ZCCHC2: variants seen among roughly 807,000 people sequenced by gnomAD.
The protein encoded by ZCCHC2 is zinc finger CCHC-type containing 2.
Under a neutral mutation model 103.6 loss-of-function variants are expected in ZCCHC2, and 39 were observed. The observed-to-expected ratio is 0.38, with a 90% CI of 0.29 to 0.49. ZCCHC2 has a LOEUF of 0.49. Among genes scored for constraint, ZCCHC2 ranks in the 20% least tolerant of loss-of-function variants. The pLI, the probability that ZCCHC2 is intolerant of heterozygous loss-of-function variation, is 0.96. For synonymous variants in ZCCHC2, 687 were observed against 608.9 expected (o/e 1.13, Z -1.89); for missense variants, 1,483 against 1,491.0 (o/e 0.99, Z 0.09).
At chr18:62,535,254 G>A (rs1253433330) in intron 1 of ZCCHC2, among the ~76,000 whole-genome samples, 1 of 152,244 alleles carries the variant, frequency 6.6e-6, no homozygotes, top group African/African-American at 2.4e-5. Flanking sequence ...ACTTAAAGAT[G>A]TGGGGGCTGC....
chr18:62,549,046 T>A (rs183271943), intron 4 of ZCCHC2, among the ~76,000 whole-genome samples: 1 of 151,518 alleles, frequency 6.6e-6, no homozygotes, highest in Non-Finnish European at 1.5e-5. Context: ...GGTGAAACCC[T>A]GTCTCTACTA....
chr18:62,574,724 G>A lies in ZCCHC2; in HGVS notation c.2643G>A (p.Met881Ile). The A allele has an allele frequency of 6.2e-7, 1 of 1,613,948 alleles. No individual in the cohort carries two copies. Among genetic ancestry groups the A allele is most frequent in the Non-Finnish European group, 8.5e-7 (1 of 1,179,880 alleles). ...SASQVVGLNQMVPQIEGNTGT... is the reference protein window; with the variant it reads ...SASQVVGLNQIVPQIEGNTGT... ...CCCAAGTGGTAGGACTCAATCAAAT[G>A]GTGCCTCAAATTGAGGGAAACACAG... The change falls in exon 13 of 14, where the codon ATG (methionine) becomes ATA (isoleucine). Residue 881 changes from methionine (M) to isoleucine (I), a missense_variant. Physicochemically the swap from Met to Ile is conservative, Grantham distance 10. Around this residue, in one of 3 missense-constraint regions of ZCCHC2, gnomAD observed 884 missense variants for 907.5 expected, o/e 0.97. Transcript: ENST00000269499.
chr18:62,570,649 A>G (rs1300453125), intron 12 of ZCCHC2, among the ~76,000 whole-genome samples: 1 of 152,222 alleles, frequency 6.6e-6, no homozygotes, highest in African/African-American at 2.4e-5. Context: ...GTCTGAGAAT[A>G]GTATAGTCGA....
At chr18:62,568,489 G>A (rs535435997) in intron 11 of ZCCHC2, among the ~76,000 whole-genome samples, 2 of 152,260 alleles carry the variant, frequency 1.3e-5, no homozygotes, top group South Asian at 2.1e-4. Context: ...TTAGATTTAT[G>A]TATTCAGTTC....
Position 62,574,097 on chromosome 18 carries a change from A to C in ZCCHC2, c.2016A>C (p.Thr672=). The change falls in exon 13 of 14, where the codon ACA becomes ACC. Residue 672 remains threonine, a synonymous_variant. Transcript: ENST00000269499. ...CTGAGGATTCTGGGAATCCATCAAC[A>C]ACTAGGTTTACAGGTTACGGTTCTG... ...SNSEDSGNPS[T]TRFTGYGSVN... is the part of the protein sequence containing the mutation. The C allele has an allele frequency of 6.8e-6, 11 of 1,613,982 alleles. No homozygotes were observed. The highest frequency in any genetic ancestry group is 9.3e-6 in the Non-Finnish European group (11 of 1,179,864).
intron 1 of ZCCHC2, among the ~76,000 whole-genome samples, chr18:62,538,596 T>C (rs550761340): frequency 2.0e-5 from 3 of 152,306 alleles, no homozygotes; most frequent in African/African-American, 7.2e-5. Context: ...GTCTGTACTC[T>C]CCTTATTAAA....
At chr18:62,533,227 A>T (rs1338588642) in intron 1 of ZCCHC2, among the ~76,000 whole-genome samples, 1 of 151,986 alleles carries the variant, frequency 6.6e-6, no homozygotes, top group Non-Finnish European at 1.5e-5. Context: ...GAAAATATAT[A>T]GCTTTGAAAA....
At position 62,574,799 on chromosome 18, in the gene ZCCHC2, CCT is replaced by C; in HGVS notation, c.2722_2723del (p.Ala909CysfsTer75). 6.2e-7 allele frequency: 1 copy of C among 1,613,990 alleles called. No individual in the cohort carries two copies. Among genetic ancestry groups the C allele is most frequent in the Non-Finnish European group, 8.5e-7 (1 of 1,179,896 alleles). On this transcript the variant is annotated frameshift_variant, in exon 13 of 14. Transcript: ENST00000269499. LOFTEE classifies it high-confidence loss of function. ...TGAAGGTAGTTCTTCCAGCAGCTGG[CCT>C]CTCAGCTGCTCAGCCACCAGCTTCC... ...NVKVVLPAAG[L>X]SAAQPPASYP...
intron 1 of ZCCHC2, among the ~76,000 whole-genome samples, chr18:62,535,052 C>T (rs1914861514): frequency 6.6e-6 from 1 of 152,192 alleles, no homozygotes; most frequent in Non-Finnish European, 1.5e-5. Context: ...AAGCTCCTTC[C>T]AGCTTCTGAG....
At position 62,572,345 on chromosome 18, in the gene ZCCHC2, C is replaced by T. The variant is rs148735591; in HGVS notation, c.1976-1712C>T. ...CTCACACTGCAGATTTGGCCCTGTC[C>T]GAAGTGTTAGTGTACATCTGTACAC... On this transcript the variant is annotated intron_variant, in intron 12 of 13. Coordinates refer to ENST00000269499, the MANE Select transcript of ZCCHC2 (RefSeq NM_017742.6). Among the ~76,000 whole-genome samples, 339 of 152,284 alleles carry T rather than the reference C, an allele frequency of 2.2e-3. 4 individuals are homozygous for T. Among genetic ancestry groups the T allele is most frequent in the African/African-American group, 7.7e-3 (319 of 41,572 alleles).
At chr18:62,544,750 C>T (rs953503208) in intron 3 of ZCCHC2, 52 bp from the exon 4 acceptor site, 11 of 1,456,924 alleles carry the variant, frequency 7.6e-6, no homozygotes, top group African/African-American at 7.3e-5. Context: ...TTTTTCTAGC[C>T]GGTTCCTGCC....
At position 62,574,120 on chromosome 18, in the gene ZCCHC2, C is replaced by T; in HGVS notation, c.2039C>T (p.Ser680Phe). The stretch of plus-strand genomic sequence containing the variant: ...ACAACTAGGTTTACAGGTTACGGTT[C>T]TGTCAACCAGACTGTCACTGTCAAG... ...PSTTRFTGYGSVNQTVTVKPP... is the reference protein window; with the variant it reads ...PSTTRFTGYGFVNQTVTVKPP... The change falls in exon 13 of 14, where the codon TCT becomes TTT. Residue 680 changes from serine (S) to phenylalanine (F), a missense_variant. Physicochemically the swap from Ser to Phe is radical, Grantham distance 155. Around this residue, in one of 3 missense-constraint regions of ZCCHC2, gnomAD observed 884 missense variants for 907.5 expected, o/e 0.97. Coordinates refer to ENST00000269499, the MANE Select transcript of ZCCHC2 (RefSeq NM_017742.6). 6.2e-7 allele frequency: 1 copy of T among 1,614,030 alleles called. No individual in the cohort carries two copies. Among genetic ancestry groups the T allele is most frequent in the Non-Finnish European group, 8.5e-7 (1 of 1,179,890 alleles).
chr18:62,543,523 ACT>A (rs1915289271), intron 3 of ZCCHC2, among the ~76,000 whole-genome samples: 1 of 151,576 alleles, frequency 6.6e-6, no homozygotes, highest in South Asian at 2.1e-4. Context: ...CTCGCTCTTT[ACT>A]CTCCACGCTC....
At chr18:62,527,510 G>A (rs1914486159) in intron 1 of ZCCHC2, among the ~76,000 whole-genome samples, 1 of 152,174 alleles carries the variant, frequency 6.6e-6, no homozygotes, top group African/African-American at 2.4e-5. Context: ...CATTTCTAGA[G>A]TTTTTCTATT....
At chr18:62,545,022 T>A in intron 4 of ZCCHC2, 149 bp downstream of exon 4, 1 of 606,528 alleles carries the variant, frequency 1.6e-6, no homozygotes, top group East Asian at 3.3e-5. Flanking sequence ...GAAAACGTCA[T>A]GTTATTCTAA....
chr18:62,567,944 C>CAAAAAAAA lies in ZCCHC2; in HGVS notation c.1847-2151_1847-2144dup, dbSNP rs71888422. On this transcript the variant is annotated intron_variant, in intron 11 of 13. Coordinates refer to ENST00000269499, the MANE Select transcript of ZCCHC2 (RefSeq NM_017742.6). ...GGGGCGACAGAATGAGACTCTGTCT[C>CAAAAAAAA]AAAAAAAAAAAAAAAGAATGCTCAT... Among the ~76,000 whole-genome samples the CAAAAAAAA allele has an allele frequency of 1.1e-3, 86 of 81,374 alleles. 6 individuals are homozygous for CAAAAAAAA. The highest frequency in any genetic ancestry group is 6.8e-3 in the Middle Eastern group (1 of 148). The allele number at this position is 81,374 out of a possible 152,430, so 53.4% of individuals were successfully genotyped here.
At position 62,539,695 on chromosome 18, in the gene ZCCHC2, T is replaced by G; in HGVS notation, c.954T>G (p.His318Gln). The G allele has an allele frequency of 6.3e-7, 1 of 1,593,728 alleles. No individual in the cohort carries two copies. Among genetic ancestry groups the G allele is most frequent in the Non-Finnish European group, 8.6e-7 (1 of 1,169,488 alleles). The change falls in exon 2 of 14, where the codon CAT becomes CAG. Residue 318 changes from histidine (H) to glutamine (Q), a missense_variant. Coordinates refer to ENST00000269499, the MANE Select transcript of ZCCHC2 (RefSeq NM_017742.6). The part of the protein sequence containing the change: ...AGPRAQNNSA[H>Q]GDYMQNNESS... ...TTCTCATCTAGAACAACTCTGCTCA[T>G]GGTGATTACATGCAAAATAACGAGA...
Position 62,576,842 on chromosome 18 carries a change from TGC to T in ZCCHC2, c.*264_*265del. 1 of 237,032 alleles carries T rather than the reference TGC, an allele frequency of 4.2e-6. No individual in the cohort carries two copies. Among genetic ancestry groups the T allele is most frequent in the Non-Finnish European group, 7.2e-6 (1 of 139,810 alleles). 14.7% of individuals were successfully genotyped at this position (237,032 alleles called of 1,614,324 possible). The stretch of plus-strand genomic sequence containing the variant: ...TCAGACAAACTTAAATGTTGGTGCG[TGC>T]TTTTTTTTTTTTTTTTACACTGAAT... On this transcript the variant is annotated 3_prime_UTR_variant, in exon 14 of 14. Coordinates refer to ENST00000269499, the MANE Select transcript of ZCCHC2 (RefSeq NM_017742.6).
chr18:62,575,137 G>T lies in ZCCHC2; in HGVS notation c.3056G>T (p.Cys1019Phe), dbSNP rs1161740589. Residue 1019 changes from cysteine (C) to phenylalanine (F), a missense_variant, in exon 13 of 14, where the codon TGC (cysteine) becomes TTC (phenylalanine). Transcript: ENST00000269499. ...SGPCGSCGRR[C>F]SCGTNGNLQL... ...CCTTGTGGTTCTTGTGGGCGAAGGT[G>T]CAGCTGTGGGACCAATGGAAACCTT... 1 of 1,614,018 alleles carries T rather than the reference G, an allele frequency of 6.2e-7. No individual in the cohort carries two copies. Among genetic ancestry groups the T allele is most frequent in the Admixed American group, 1.7e-5 (1 of 60,022 alleles).
Sources: allele counts gnomAD v4.1 joint callset (sites outside exome capture counted in the v4.1 genomes callset), GRCh38; gene constraint gnomAD v4.1.1; regional missense constraint gnomAD v4.1.1; transcripts MANE v1.5; gene names NCBI Gene and HGNC (gene_info 2026-07-23, HGNC 2026-07-21).